AZIN2: variants seen among roughly 807,000 people sequenced by gnomAD.
AZIN2 encodes ODC antizyme inhibitor-2.
Under a neutral mutation model 47.8 loss-of-function variants are expected in AZIN2, and 28 were observed. The observed-to-expected ratio is 0.59, with a 90% CI of 0.43 to 0.80. The LOEUF is 0.80. AZIN2 is among the 30% of genes least tolerant of loss of function. The pLI is 0.00. For synonymous variants in AZIN2, 221 were observed against 239.4 expected (o/e 0.92, Z 0.71); for missense variants, 535 against 582.5 (o/e 0.92, Z 0.84).
chr1:33,148,298 A>G, the AZIN2 span, among the ~76,000 whole-genome samples: 1 of 152,240 alleles, frequency 6.6e-6, no homozygotes, highest in Non-Finnish European at 1.5e-5. Context: ...TTATAAGGAT[A>G]AGAAACTATA....
the AZIN2 span, chr1:33,165,402 C>A: frequency 7.1e-7 from 1 of 1,409,760 alleles, no homozygotes; most frequent in Non-Finnish European, 9.6e-7. This position sits in a 1 kb window ranked among gnomAD's most constrained non-coding sequence, Gnocchi z 4.0. Context: ...TCTTCCCCAG[C>A]TGGCCCCGCC....
chr1:33,083,813 G>T, intron 4 of AZIN2, 141 bp from the exon 5 acceptor site: 1 of 942,682 alleles, frequency 1.1e-6, no homozygotes, highest in African/African-American at 1.6e-5. Context: ...CTGTAGGCTT[G>T]GGGAGGCCCA....
chr1:33,155,547 G>A, the AZIN2 span, among the ~76,000 whole-genome samples: 1 of 152,316 alleles, frequency 6.6e-6, no homozygotes, highest in East Asian at 1.9e-4. Context: ...AGAATGGCCA[G>A]TGAGCTTAGT....
At chr1:33,083,817 A>T in intron 4 of AZIN2, 137 bp from the exon 5 acceptor site, 1 of 974,930 alleles carries the variant, frequency 1.0e-6, no homozygotes, top group Non-Finnish European at 1.6e-6. Context: ...AGGCTTGGGG[A>T]GGCCCAGAAA....
At chr1:33,128,072 A>G (rs911061784), downstream of AZIN2, among the ~76,000 whole-genome samples, 1 of 152,110 alleles carries the variant, frequency 6.6e-6, no homozygotes, top group African/African-American at 2.4e-5. Flanking sequence ...AAATAAATTT[A>G]ACATATTTAG....
chr1:33,139,930 A>G, the AZIN2 span, among the ~76,000 whole-genome samples: 1 of 152,188 alleles, frequency 6.6e-6, no homozygotes, highest in Non-Finnish European at 1.5e-5. Flanking sequence ...AGATCCCACC[A>G]TCAGCTACTC....
chr1:33,135,944 A>G, the AZIN2 span, among the ~76,000 whole-genome samples: 138 of 110,104 alleles, frequency 1.3e-3, no homozygotes, highest in African/African-American at 4.7e-3. Flanking sequence ...CTCCCTCCCC[A>G]CCCTGCCGGT....
intron 10 of AZIN2, among the ~76,000 whole-genome samples, chr1:33,098,487 CA>C (rs1643390535): frequency 6.6e-6 from 1 of 152,118 alleles, no homozygotes; most frequent in African/African-American, 2.4e-5. Context: ...GTATTTTAAC[CA>C]ATCTAACTCT....
At chr1:33,131,253 T>C in the AZIN2 span, among the ~76,000 whole-genome samples, 1 of 152,262 alleles carries the variant, frequency 6.6e-6, no homozygotes, top group Non-Finnish European at 1.5e-5. Context: ...TCTCCACAAA[T>C]GTTTACTAAG....
intron 10 of AZIN2, among the ~76,000 whole-genome samples, chr1:33,107,360 A>G (rs982151277): frequency 3.3e-5 from 5 of 152,068 alleles, no homozygotes; most frequent in African/African-American, 1.2e-4. Flanking sequence ...CAGGCAGATC[A>G]CTTAAGGTCA....
intron 5 of AZIN2, among the ~76,000 whole-genome samples, chr1:33,089,004 C>T (rs1160297095): frequency 6.6e-6 from 1 of 152,168 alleles, no homozygotes; most frequent in African/African-American, 2.4e-5. Context: ...GTTTTATTAA[C>T]ACCTATCACA....
intron 10 of AZIN2, among the ~76,000 whole-genome samples, chr1:33,105,625 T>G (rs564167595): frequency 3.3e-5 from 5 of 152,194 alleles, no homozygotes; most frequent in Non-Finnish European, 7.4e-5. Flanking sequence ...ATCATAAGAA[T>G]AGCATGGGCG....
At chr1:33,157,034 C>G in the AZIN2 span, among the ~76,000 whole-genome samples, 19 of 150,198 alleles carry the variant, frequency 1.3e-4, no homozygotes, top group South Asian at 4.2e-4. Flanking sequence ...TCCTTCACCC[C>G]CTTCGGTCTA....
In AZIN2 at chr1:33,121,028, G is replaced by A. The variant is rs1034553823; in HGVS notation, c.*846G>A. 2.6e-5 allele frequency among the ~76,000 whole-genome samples: 4 copies of A among 152,124 alleles called. No homozygotes were observed. Among genetic ancestry groups the A allele is most frequent in the African/African-American group, 7.2e-5 (3 of 41,432 alleles). On this transcript the variant is annotated 3_prime_UTR_variant, in exon 12 of 12. Transcript: ENST00000294517. ...TGCCTGTTAGAACAGGGCTGGCCACGGAGTATTGCTGTGTCCAGTGCCGAC... is the reference window on the plus strand; with the variant it reads ...TGCCTGTTAGAACAGGGCTGGCCACAGAGTATTGCTGTGTCCAGTGCCGAC...
At chr1:33,084,839 A>T (rs1022657462) in intron 5 of AZIN2, among the ~76,000 whole-genome samples, 1 of 152,056 alleles carries the variant, frequency 6.6e-6, no homozygotes, top group African/African-American at 2.4e-5. Flanking sequence ...AACTCAGGTG[A>T]TCCACCCGCC....
intron 5 of AZIN2, among the ~76,000 whole-genome samples, chr1:33,091,019 A>G (rs557063619): frequency 2.7e-3 from 414 of 152,186 alleles, no homozygotes; most frequent in African/African-American, 9.6e-3. Flanking sequence ...GCTGCAAATG[A>G]CAGGATTTCC....
the AZIN2 span, among the ~76,000 whole-genome samples, chr1:33,156,003 G>A: frequency 2.0e-5 from 3 of 152,086 alleles, no homozygotes; most frequent in Non-Finnish European, 2.9e-5. Flanking sequence ...TCCCCCAAGC[G>A]CCCACCACTG....
At chr1:33,082,027 G>C in intron 3 of AZIN2, 151 bp from the exon 4 acceptor site, 1 of 563,830 alleles carries the variant, frequency 1.8e-6, no homozygotes, top group Non-Finnish European at 3.2e-6. Context: ...CTGAAATCCG[G>C]GATTCTTGAC....
chr1:33,162,667 C>A, the AZIN2 span, among the ~76,000 whole-genome samples: 6 of 152,146 alleles, frequency 3.9e-5, no homozygotes, highest in African/African-American at 1.4e-4. Flanking sequence ...TTCAATGTCT[C>A]AAGGACGAGA....
Sources: allele counts gnomAD v4.1 joint callset (sites outside exome capture counted in the v4.1 genomes callset), GRCh38; gene constraint gnomAD v4.1.1; non-coding constraint Gnocchi (gnomAD v3.1); transcripts MANE v1.5; gene names NCBI Gene and HGNC (gene_info 2026-07-23, HGNC 2026-07-21).